Variants in ZFR observed in about 807,000 individuals in gnomAD.
ZFR encodes the protein zinc finger RNA binding protein.
Under a neutral mutation model 130.7 loss-of-function variants are expected in ZFR, and 19 were observed. The observed-to-expected ratio is 0.15, with a 90% CI of 0.10 to 0.21. The LOEUF (loss-of-function observed/expected upper bound fraction) is 0.21, where lower values mean the gene tolerates loss of function less well. ZFR is among the 10% of genes least tolerant of loss of function. The probability of loss-of-function intolerance (pLI) is 1.00; values close to 1 mark genes in which losing one functional copy is unlikely to be tolerated. For synonymous variants in ZFR, 466 were observed against 456.9 expected (o/e 1.02, Z -0.25); for missense variants, 872 against 1,321.5 (o/e 0.66, Z 5.27).
intron 19 of ZFR, among the ~76,000 whole-genome samples, chr5:32,362,939 A>G (rs1752468176): frequency 1.3e-5 from 2 of 152,214 alleles, no homozygotes; most frequent in African/African-American, 4.8e-5. Context: ...TACTAAAGGG[A>G]GAAAGAACAG....
intron 19 of ZFR, among the ~76,000 whole-genome samples, chr5:32,360,629 A>G (rs531342128): frequency 1.3e-5 from 2 of 151,892 alleles, no homozygotes; most frequent in East Asian, 1.9e-4. Context: ...GCTGTTTTGA[A>G]TATTTGTGTA....
chr5:32,388,367 G>A, intron 13 of ZFR, 102 bp downstream of exon 13: 2 of 1,114,426 alleles, frequency 1.8e-6, no homozygotes, highest in South Asian at 3.1e-5. Flanking sequence ...AAAACACATA[G>A]AACTCACACC....
intron 2 of ZFR, among the ~76,000 whole-genome samples, chr5:32,422,798 CA>C (rs10693151): frequency 0.017 from 400 of 23,970 alleles, 1 homozygote; most frequent in African/African-American, 0.056. Context: ...AAACCTGTCT[CA>C]AAAAAAAAAA....
At chr5:32,393,934 A>G (rs1206076264) in intron 11 of ZFR, among the ~76,000 whole-genome samples, 5 of 152,224 alleles carry the variant, frequency 3.3e-5, no homozygotes, top group African/African-American at 1.2e-4. Context: ...AATAACTATA[A>G]TAAGGAAACA....
chr5:32,364,322 T>TA (rs1422679263), intron 17 of ZFR, 47 bp from the exon 18 acceptor site: 1 of 1,449,066 alleles, frequency 6.9e-7, no homozygotes, highest in Non-Finnish European at 9.4e-7. Context: ...CCAAAGGAAT[T>TA]ACTCATTTTC....
intron 11 of ZFR, among the ~76,000 whole-genome samples, chr5:32,390,726 T>C (rs1753149398): frequency 6.6e-6 from 1 of 152,218 alleles, no homozygotes; most frequent in African/African-American, 2.4e-5. Context: ...AGAAACCCAA[T>C]GCCACCTAAA....
chr5:32,384,831 A>C (rs995092127), intron 15 of ZFR, among the ~76,000 whole-genome samples: 2 of 152,148 alleles, frequency 1.3e-5, no homozygotes, highest in African/African-American at 4.8e-5. Context: ...GTTGTAAATT[A>C]AGTTTAAAAA....
intron 6 of ZFR, among the ~76,000 whole-genome samples, chr5:32,405,822 G>C (rs1459586935): frequency 6.6e-6 from 1 of 152,164 alleles, no homozygotes; most frequent in Non-Finnish European, 1.5e-5. Context: ...GGAAAAGAGG[G>C]TTTTATATAT....
At position 32,435,804 on chromosome 5, in the gene ZFR, C is replaced by T. The variant is rs969982370; in HGVS notation, c.137+8425G>A. ...TTTATTTTCATTTGATTGATTTCAA[C>T]CACAGTGCTTCCCAATACTTTAAGC... is the stretch of plus-strand genomic sequence containing the variant. On this transcript the variant is annotated intron_variant, in intron 2 of 19. Coordinates refer to ENST00000265069, the MANE Select transcript of ZFR (RefSeq NM_016107.5). 2.0e-5 allele frequency among the ~76,000 whole-genome samples: 3 copies of T among 152,302 alleles called. No individual in the cohort carries two copies. The East Asian group carries it at 5.8e-4, about 29-fold the overall frequency.
intron 5 of ZFR, among the ~76,000 whole-genome samples, chr5:32,412,794 T>C (rs543821213): frequency 6.6e-6 from 1 of 152,284 alleles, no homozygotes; most frequent in Admixed American, 6.5e-5. Context: ...AAAGGAGAGA[T>C]AAAGCAAATT....
intron 11 of ZFR, among the ~76,000 whole-genome samples, chr5:32,391,485 A>G (rs1753174447): frequency 6.6e-6 from 1 of 151,518 alleles, no homozygotes; most frequent in South Asian, 2.1e-4. Context: ...CAGCTAGTGT[A>G]CAGCCTCTGC....
At chr5:32,422,828 C>T (rs1380526731) in intron 2 of ZFR, among the ~76,000 whole-genome samples, 1 of 61,008 alleles carries the variant, frequency 1.6e-5, no homozygotes, top group African/African-American at 6.0e-5. Flanking sequence ...AAAAAGGAAG[C>T]CAAGAAACAC....
intron 2 of ZFR, among the ~76,000 whole-genome samples, chr5:32,429,147 G>C (rs10461912): frequency 6.6e-6 from 1 of 151,666 alleles, no homozygotes; most frequent in Non-Finnish European, 1.5e-5. Flanking sequence ...CACCACGCCC[G>C]GCTAATTTTT....
chr5:32,381,167 T>C (rs1192499291), intron 15 of ZFR, among the ~76,000 whole-genome samples: 2 of 152,174 alleles, frequency 1.3e-5, no homozygotes, highest in African/African-American at 2.4e-5. Context: ...GATAGATGTG[T>C]AGGGTCTTTA....
chr5:32,438,911 T>A (rs1754399568), intron 2 of ZFR, among the ~76,000 whole-genome samples: 1 of 152,152 alleles, frequency 6.6e-6, no homozygotes, highest in South Asian at 2.1e-4. Flanking sequence ...GGAAACCAAG[T>A]CTTAGAGAAG....
At chr5:32,402,268 A>G (rs1343302028) in intron 8 of ZFR, among the ~76,000 whole-genome samples, 1 of 152,226 alleles carries the variant, frequency 6.6e-6, no homozygotes, top group African/African-American at 2.4e-5. Context: ...GGATGGACAC[A>G]TAATTGAGAG....
intron 17 of ZFR, among the ~76,000 whole-genome samples, chr5:32,371,594 A>G (rs2111683558): frequency 6.6e-6 from 1 of 152,338 alleles, no homozygotes; most frequent in South Asian, 2.1e-4. Context: ...AAAATGAATC[A>G]CATTATAAGC....
At chr5:32,400,224 T>TA (rs774234156) in intron 8 of ZFR, 21 bp from the exon 9 acceptor site, 3 of 1,525,430 alleles carry the variant, frequency 2.0e-6, no homozygotes, top group African/African-American at 1.4e-5. Context: ...ATCAAAAAGT[T>TA]AAAAAAAATT....
intron 14 of ZFR, among the ~76,000 whole-genome samples, chr5:32,386,523 A>C (rs1173196417): frequency 6.6e-6 from 1 of 152,082 alleles, no homozygotes; most frequent in Non-Finnish European, 1.5e-5. Flanking sequence ...TTTCTCGCAA[A>C]TTCTATGATT....
Sources: gnomAD v4.1 joint callset for allele counts (sites outside exome capture counted in the v4.1 genomes callset) on GRCh38, gnomAD v4.1.1 for gene constraint, MANE v1.5 for transcripts, NCBI Gene and HGNC (gene_info 2026-07-23, HGNC 2026-07-21) for gene names.